The following THAP4 variants were observed in gnomAD, a reference collection of about 807,000 sequenced individuals.
THAP4 encodes peroxynitrite isomerase THAP4.
Under a neutral mutation model 48.1 loss-of-function variants are expected in THAP4, and 18 were observed. The ratio of observed to expected loss-of-function variants is 0.37; its 90% CI spans 0.26 to 0.56. The LOEUF (loss-of-function observed/expected upper bound fraction) is 0.56. Among genes scored for constraint, THAP4 ranks in the 20% least tolerant of loss-of-function variants. The pLI, the probability that THAP4 is intolerant of heterozygous loss-of-function variation, is 0.78. For missense variants in THAP4, 656 were observed against 774.9 expected (o/e 0.85, Z 1.82); for synonymous variants, 345 against 324.9 (o/e 1.06, Z -0.66).
intron 5 of THAP4, 80 bp from the exon 6 acceptor site, chr2:241,584,805 C>G: frequency 6.4e-7 from 1 of 1,552,654 alleles, no homozygotes; most frequent in Non-Finnish European, 8.9e-7. Context: ...CACTGCATGC[C>G]ACACACTCAT....
At chr2:241,615,665 G>T (rs35747962) in intron 2 of THAP4, among the ~76,000 whole-genome samples, 22,646 of 152,274 alleles carry the variant, frequency 0.15, 1,873 homozygotes, top group Middle Eastern at 0.27. Flanking sequence ...CACCACTGTG[G>T]TGTGAGTCGC....
At position 241,601,814 on chromosome 2, in the gene THAP4, C is replaced by A; in HGVS notation, c.1614+82G>T. 6.3e-7 allele frequency: 1 copy of A among 1,583,336 alleles called. No homozygotes were observed. Among genetic ancestry groups the A allele is most frequent in the Non-Finnish European group, 8.6e-7 (1 of 1,164,312 alleles). On this transcript the variant is annotated intron_variant, in intron 5 of 5. Coordinates refer to ENST00000407315, the MANE Select transcript of THAP4 (RefSeq NM_015963.6). The surrounding 1 kb of genome is among the most constrained non-coding windows in gnomAD (Gnocchi z 4.0). ...AGACACAGTGGCAAGACACGCACTA[C>A]CTCACGGAAGAGGAAGAGGCTGACT...
chr2:241,622,739 A>C (rs1455921664), intron 2 of THAP4, among the ~76,000 whole-genome samples: 23 of 152,104 alleles, frequency 1.5e-4, no homozygotes, highest in Admixed American at 1.5e-3. Flanking sequence ...AGCTGGGACT[A>C]CAGGTGTGCA....
intron 1 of THAP4, among the ~76,000 whole-genome samples, 198 bp from the exon 2 acceptor site, chr2:241,634,277 G>A (rs183221659): frequency 3.9e-5 from 6 of 152,284 alleles, no homozygotes; most frequent in Admixed American, 3.9e-4. Context: ...TGAAAGACCC[G>A]TTGTCTACCC....
At chr2:241,603,813 A>G (rs2125077736) in intron 3 of THAP4, among the ~76,000 whole-genome samples, 1 of 152,308 alleles carries the variant, frequency 6.6e-6, no homozygotes, top group East Asian at 1.9e-4. Flanking sequence ...TCTCAACAGT[A>G]AAAGACAGGC....
At chr2:241,615,955 C>T (rs1437194055) in intron 2 of THAP4, among the ~76,000 whole-genome samples, 1 of 152,178 alleles carries the variant, frequency 6.6e-6, no homozygotes, top group African/African-American at 2.4e-5. Context: ...GCCCGGCTGG[C>T]CTGGAAGCAA....
chr2:241,633,305 A>G lies in THAP4; in HGVS notation c.852T>C (p.Pro284=). ...LGPDKGLAQS[P]PSSSLTATPQ... ...GTGTCGCGGTAAGTGATGAGCTGGG[A>G]GGGCTCTGGGCCAGGCCCTTGTCGG... The change falls in exon 2 of 6, where the codon CCT becomes CCC. Residue 284 remains proline (P), a synonymous_variant. Transcript: ENST00000407315. This position sits in a 1 kb window ranked among gnomAD's most constrained non-coding sequence, Gnocchi z 7.5. 6.2e-7 allele frequency: 1 copy of G among 1,611,790 alleles called. No individual in the cohort carries two copies. The highest frequency in any genetic ancestry group is 8.5e-7 in the Non-Finnish European group (1 of 1,179,930).
At chr2:241,609,394 G>A (rs1360462054) in intron 2 of THAP4, among the ~76,000 whole-genome samples, 1 of 152,232 alleles carries the variant, frequency 6.6e-6, no homozygotes, top group African/African-American at 2.4e-5. Context: ...CAAGTCCTAA[G>A]ATGGGCTAAA....
intron 5 of THAP4, among the ~76,000 whole-genome samples, chr2:241,588,672 A>T (rs1156807909): frequency 6.6e-6 from 1 of 152,222 alleles, no homozygotes; most frequent in Non-Finnish European, 1.5e-5. Context: ...ATACTTTAAT[A>T]AATTAAGGGT....
At chr2:241,630,171 A>T (rs1396732312) in intron 2 of THAP4, among the ~76,000 whole-genome samples, 1 of 152,160 alleles carries the variant, frequency 6.6e-6, no homozygotes, top group Non-Finnish European at 1.5e-5. Flanking sequence ...CACCCTTTTA[A>T]ATAACCACAG....
At chr2:241,632,615 A>G (rs2067579727) in intron 2 of THAP4, among the ~76,000 whole-genome samples, 2 of 152,162 alleles carry the variant, frequency 1.3e-5, no homozygotes, top group South Asian at 2.1e-4. Flanking sequence ...AACAGAAGCT[A>G]TCTTTCCCTG....
chr2:241,627,075 TAC>T (rs1466169535), intron 2 of THAP4, among the ~76,000 whole-genome samples: 1 of 152,240 alleles, frequency 6.6e-6, no homozygotes, highest in African/African-American at 2.4e-5. Context: ...CAGCAGGTAG[TAC>T]AGAGAATTCC....
intron 3 of THAP4, 39 bp from the exon 4 acceptor site, chr2:241,603,118 C>T: frequency 6.5e-7 from 1 of 1,549,288 alleles, no homozygotes; most frequent in Non-Finnish European, 8.9e-7. Context: ...CAGGCACTGG[C>T]CTCCAAGATG....
intron 2 of THAP4, among the ~76,000 whole-genome samples, chr2:241,614,711 C>T (rs1337431590): frequency 1.3e-5 from 2 of 152,028 alleles, no homozygotes; most frequent in African/African-American, 2.4e-5. Flanking sequence ...CATGATGAAA[C>T]CCCGTCTCTA....
At chr2:241,599,407 C>T (rs905095956) in intron 5 of THAP4, among the ~76,000 whole-genome samples, 6 of 152,140 alleles carry the variant, frequency 3.9e-5, no homozygotes, top group African/African-American at 1.4e-4. Context: ...GCCTAAGATC[C>T]TGGCTGTCTG....
chr2:241,584,815 T>C, intron 5 of THAP4, 90 bp from the exon 6 acceptor site: 6 of 1,527,096 alleles, frequency 3.9e-6, no homozygotes, highest in Non-Finnish European at 5.4e-6. Flanking sequence ...CACACACTCA[T>C]CACGGGCTGT....
At chr2:241,586,198 A>G (rs564006527) in intron 5 of THAP4, among the ~76,000 whole-genome samples, 16 of 147,462 alleles carry the variant, frequency 1.1e-4, no homozygotes, top group African/African-American at 3.8e-4. Flanking sequence ...CGGAGCTTGC[A>G]GTGAGCCAAG....
intron 2 of THAP4, among the ~76,000 whole-genome samples, chr2:241,615,196 G>A (rs1412973087): frequency 1.3e-5 from 2 of 152,140 alleles, no homozygotes; most frequent in Admixed American, 6.6e-5. Context: ...GAACGGTGAC[G>A]GGGAGGGGCT....
At chr2:241,596,565 G>A (rs1334244480) in intron 5 of THAP4, among the ~76,000 whole-genome samples, 4 of 148,164 alleles carry the variant, frequency 2.7e-5, no homozygotes, top group Non-Finnish European at 6.0e-5. Flanking sequence ...CCAGCACTTC[G>A]GGAGGCAGAG....
Sources: allele counts gnomAD v4.1 joint callset (sites outside exome capture counted in the v4.1 genomes callset), GRCh38; gene constraint gnomAD v4.1.1; non-coding constraint Gnocchi (gnomAD v3.1); transcripts MANE v1.5; gene names NCBI Gene and HGNC (gene_info 2026-07-23, HGNC 2026-07-21).